TMEM74: variants seen among roughly 807,000 people sequenced by gnomAD.
The protein encoded by TMEM74 is transmembrane protein 74.
TMEM74 carries 13 observed loss-of-function variants against 18.1 expected under a neutral mutation model. The observed-to-expected ratio is 0.72, with a 90% CI of 0.47 to 1.14. The LOEUF (loss-of-function observed/expected upper bound fraction) is 1.14. Ranked by LOEUF, TMEM74 falls within the 50% of genes most tolerant of loss-of-function variation. The pLI is 0.00. For synonymous variants in TMEM74, 159 were observed against 146.6 expected, an observed-to-expected ratio of 1.08 and a Z score of -0.61; for missense variants, 372 against 375.9, an observed-to-expected ratio of 0.99 and a Z score of 0.09.
intron 2 of TMEM74, among the ~76,000 whole-genome samples, chr8:108,623,301 T>C (rs550809274): frequency 6.6e-6 from 1 of 152,220 alleles, no homozygotes; most frequent in East Asian, 1.9e-4. Context: ...AGTGTTGTCT[T>C]TGGCTCCAGA....
chr8:108,696,143 A>G (rs10112718), intron 1 of TMEM74, among the ~76,000 whole-genome samples: 25,072 of 152,196 alleles, frequency 0.16, 2,489 homozygotes, highest in East Asian at 0.3. Context: ...TTATATAGCC[A>G]AGGATGTAGA....
intron 1 of TMEM74, among the ~76,000 whole-genome samples, chr8:108,731,654 A>C (rs1813696569): frequency 6.6e-6 from 1 of 152,204 alleles, no homozygotes; most frequent in South Asian, 2.1e-4. Flanking sequence ...GCCTGTCAGC[A>C]TTGCCAATAT....
intron 1 of TMEM74, among the ~76,000 whole-genome samples, chr8:108,765,286 A>G (rs1463205680): frequency 6.6e-6 from 1 of 152,032 alleles, no homozygotes; most frequent in African/African-American, 2.4e-5. Flanking sequence ...TGTCAGTGAT[A>G]CTGGAATTTT....
chr8:108,739,717 G>A (rs537370211), intron 1 of TMEM74, among the ~76,000 whole-genome samples: 4 of 152,206 alleles, frequency 2.6e-5, no homozygotes, highest in Admixed American at 2.6e-4. Flanking sequence ...AAGTCCAAGA[G>A]GGCTTTTTCT....
At chr8:108,678,971 C>T (rs1389012584) in intron 1 of TMEM74, among the ~76,000 whole-genome samples, 1 of 144,156 alleles carries the variant, frequency 6.9e-6, no homozygotes, top group Non-Finnish European at 1.5e-5. Context: ...TTGTTCAATT[C>T]CCACCTATGA....
At chr8:108,699,542 G>T (rs1813315376) in intron 1 of TMEM74, among the ~76,000 whole-genome samples, 1 of 152,094 alleles carries the variant, frequency 6.6e-6, no homozygotes, top group South Asian at 2.1e-4. Context: ...GAATACCTCA[G>T]ATATATTTGG....
intron 1 of TMEM74, among the ~76,000 whole-genome samples, chr8:108,753,147 G>A (rs750044256): frequency 2.1e-4 from 32 of 151,994 alleles, no homozygotes; most frequent in Admixed American, 2.6e-4. Context: ...GTAGTCTTTC[G>A]AGAATGAATT....
At chr8:108,622,899 C>T (rs764233997) in intron 2 of TMEM74, among the ~76,000 whole-genome samples, 10 of 151,972 alleles carry the variant, frequency 6.6e-5, no homozygotes, top group Non-Finnish European at 1.0e-4. Context: ...ACTTACTGTA[C>T]ACCAGGCATA....
chr8:108,663,905 A>G (rs1812924761), intron 1 of TMEM74, among the ~76,000 whole-genome samples: 1 of 152,178 alleles, frequency 6.6e-6, no homozygotes, highest in Non-Finnish European at 1.5e-5. Context: ...TGGGAGCTGA[A>G]CAATGAGAAC....
chr8:108,749,534 C>T (rs1563541886), intron 1 of TMEM74, among the ~76,000 whole-genome samples: 1 of 152,154 alleles, frequency 6.6e-6, no homozygotes, highest in Non-Finnish European at 1.5e-5. Flanking sequence ...TGCCTATCAG[C>T]TTAAGAAGCT....
At chr8:108,755,993 C>T (rs1813956053) in intron 1 of TMEM74, among the ~76,000 whole-genome samples, 1 of 151,846 alleles carries the variant, frequency 6.6e-6, no homozygotes, top group Non-Finnish European at 1.5e-5. Flanking sequence ...TTCCCAGAAT[C>T]AAGGAAGTAT....
chr8:108,616,435 C>T (rs891635548), intron 2 of TMEM74, among the ~76,000 whole-genome samples: 4 of 152,090 alleles, frequency 2.6e-5, no homozygotes, highest in Non-Finnish European at 5.9e-5. Flanking sequence ...TGACATCATG[C>T]ACTCATTTTA....
intron 2 of TMEM74, among the ~76,000 whole-genome samples, chr8:108,614,645 G>A (rs940637917): frequency 2.0e-5 from 3 of 152,170 alleles, no homozygotes; most frequent in Admixed American, 6.5e-5. Context: ...TAATAGATGA[G>A]TTGTGTAGCT....
At chr8:108,711,270 C>T (rs190684888) in intron 1 of TMEM74, among the ~76,000 whole-genome samples, 1 of 152,324 alleles carries the variant, frequency 6.6e-6, no homozygotes, top group Admixed American at 6.5e-5. Context: ...CTCCTGGTCT[C>T]TCTCTTTCCA....
chr8:108,618,955 C>A (rs1812412497), intron 2 of TMEM74, among the ~76,000 whole-genome samples: 1 of 152,116 alleles, frequency 6.6e-6, no homozygotes, highest in Admixed American at 6.5e-5. Context: ...CATCCAAGAA[C>A]CTGGTAAACT....
rs1013450157 is a variant in TMEM74 at position 108,779,630 on chromosome 8, T to G, written c.*4551A>C. Among the ~76,000 whole-genome samples, 1 of 152,214 alleles carries G rather than the reference T, an allele frequency of 6.6e-6. No homozygotes were observed. The highest frequency in any genetic ancestry group is 1.5e-5 in the Non-Finnish European group (1 of 68,024). ...AGGCTGATTCCAAATTCTTCATTCA[T>G]GACTTGTGAAAGACTTCTCTTCTTC... On this transcript the variant is annotated 3_prime_UTR_variant, in exon 2 of 2. Coordinates refer to ENST00000297459, the MANE Select transcript of TMEM74 (RefSeq NM_153015.3).
intron 1 of TMEM74, among the ~76,000 whole-genome samples, chr8:108,731,310 T>C (rs1813693073): frequency 6.6e-6 from 1 of 151,924 alleles, no homozygotes; most frequent in African/African-American, 2.4e-5. Context: ...GATTAGAAAT[T>C]TCTGGGAAAA....
At chr8:108,731,401 T>C (rs1405183523) in intron 1 of TMEM74, among the ~76,000 whole-genome samples, 1 of 152,204 alleles carries the variant, frequency 6.6e-6, no homozygotes, top group African/African-American at 2.4e-5. Flanking sequence ...TGATCTATAT[T>C]TAGCAAAAAT....
chr8:108,697,854 C>T (rs1813295977), intron 1 of TMEM74, among the ~76,000 whole-genome samples: 1 of 152,034 alleles, frequency 6.6e-6, no homozygotes, highest in Non-Finnish European at 1.5e-5. Context: ...GATGATGTTA[C>T]CCGTAGTCTC....
Sources: gnomAD v4.1 joint callset for allele counts (sites outside exome capture counted in the v4.1 genomes callset) on GRCh38, gnomAD v4.1.1 for gene constraint, MANE v1.5 for transcripts, NCBI Gene and HGNC (gene_info 2026-07-23, HGNC 2026-07-21) for gene names.